SLIT3: variants seen among roughly 807,000 people sequenced by gnomAD.
The protein encoded by SLIT3 is slit homolog 3 protein.
A neutral mutation model predicts 184.0 loss-of-function variants in SLIT3; 68 were observed. The observed-to-expected ratio is 0.37, with a 90% CI of 0.30 to 0.45. SLIT3 has a LOEUF of 0.45. SLIT3 is among the 20% of genes least tolerant of loss of function. The pLI is 1.00. For missense variants in SLIT3, 1,707 were observed against 2,026.0 expected, an observed-to-expected ratio of 0.84 and a Z score of 3.02; for synonymous variants, 831 against 828.6, an observed-to-expected ratio of 1.00 and a Z score of -0.05.
chr5:168,862,523 G>A (rs949736690), intron 5 of SLIT3, among the ~76,000 whole-genome samples: 1 of 152,176 alleles, frequency 6.6e-6, no homozygotes, highest in African/African-American at 2.4e-5. Context: ...GTTAATTGAA[G>A]TGTTACTACA....
chr5:169,126,237 A>G (rs1761074588), intron 4 of SLIT3, among the ~76,000 whole-genome samples: 1 of 152,172 alleles, frequency 6.6e-6, no homozygotes, highest in South Asian at 2.1e-4. Flanking sequence ...CATCCTATTT[A>G]TGTTCTGAAG....
chr5:168,771,047 T>C (rs1182180670), intron 14 of SLIT3, among the ~76,000 whole-genome samples: 7 of 152,184 alleles, frequency 4.6e-5, no homozygotes, highest in African/African-American at 1.7e-4. Context: ...AGGATACTTA[T>C]GAGACCAAAG....
intron 4 of SLIT3, among the ~76,000 whole-genome samples, chr5:168,957,584 C>T (rs1437125192): frequency 2.6e-5 from 4 of 152,314 alleles, no homozygotes; most frequent in African/African-American, 7.2e-5. Context: ...TTCCCAGGCC[C>T]GCTTTGAATA....
At chr5:168,805,104 T>C (rs1371120897) in intron 9 of SLIT3, among the ~76,000 whole-genome samples, 1 of 152,258 alleles carries the variant, frequency 6.6e-6, no homozygotes, top group Non-Finnish European at 1.5e-5. Flanking sequence ...ACTTTGTTGC[T>C]TGTTTATCCC....
At chr5:169,089,879 T>A (rs540916374) in intron 4 of SLIT3, among the ~76,000 whole-genome samples, 3 of 152,240 alleles carry the variant, frequency 2.0e-5, no homozygotes, top group Non-Finnish European at 4.4e-5. Context: ...CTGACCACTA[T>A]AACTCATGGC....
chr5:168,684,173 C>G, intron 31 of SLIT3, 77 bp from the exon 32 acceptor site: 6 of 1,380,428 alleles, frequency 4.3e-6, no homozygotes, highest in Non-Finnish European at 5.8e-6. Context: ...ACAGAGCCCT[C>G]TTCCAGGCAG....
chr5:168,705,055 G>A (rs189284390), intron 26 of SLIT3, among the ~76,000 whole-genome samples: 124 of 152,322 alleles, frequency 8.1e-4, no homozygotes, highest in Non-Finnish European at 1.6e-3. Flanking sequence ...GCATCACATA[G>A]GCACAGGCTC....
chr5:168,908,300 G>A (rs1321448008), intron 4 of SLIT3, among the ~76,000 whole-genome samples: 1 of 152,084 alleles, frequency 6.6e-6, no homozygotes, highest in East Asian at 1.9e-4. Flanking sequence ...TGGTAGACGA[G>A]TCACCTGGGT....
intron 5 of SLIT3, among the ~76,000 whole-genome samples, chr5:168,871,142 C>T (rs1401821786): frequency 6.6e-6 from 1 of 152,146 alleles, no homozygotes; most frequent in Non-Finnish European, 1.5e-5. Context: ...TTTCCAGGAT[C>T]GGGGTTGTCC....
intron 4 of SLIT3, chr5:169,013,079 C>T (rs1257019552): frequency 6.6e-6 from 1 of 152,226 alleles, no homozygotes; most frequent in Non-Finnish European, 1.5e-5. Flanking sequence ...GGCCACATCC[C>T]CATCTTATCG....
At chr5:169,100,219 A>G (rs1759956345) in intron 4 of SLIT3, among the ~76,000 whole-genome samples, 1 of 152,204 alleles carries the variant, frequency 6.6e-6, no homozygotes, top group Non-Finnish European at 1.5e-5. Flanking sequence ...AATGGTGAAC[A>G]TGGAATCCCC....
intron 9 of SLIT3, among the ~76,000 whole-genome samples, chr5:168,804,073 G>A (rs1158666247): frequency 1.3e-5 from 2 of 151,866 alleles, no homozygotes; most frequent in East Asian, 1.9e-4. Context: ...TTAGGAGGCC[G>A]AGGCGGGTGG....
At chr5:169,207,366 T>TACAC (rs1360535639) in intron 3 of SLIT3, among the ~76,000 whole-genome samples, 8 of 84,442 alleles carry the variant, frequency 9.5e-5, no homozygotes, top group African/African-American at 3.5e-4. Flanking sequence ...TACATACACA[T>TACAC]ACATACACAC....
At chr5:168,919,319 T>C (rs929395707) in intron 4 of SLIT3, among the ~76,000 whole-genome samples, 83 of 151,688 alleles carry the variant, frequency 5.5e-4, no homozygotes, top group Non-Finnish European at 9.4e-4. Flanking sequence ...TGTTGCAGCA[T>C]TGTATTAGCA....
At chr5:168,936,956 T>C (rs919752) in intron 4 of SLIT3, among the ~76,000 whole-genome samples, 75,293 of 151,958 alleles carry the variant, frequency 0.5, 19,327 homozygotes, top group African/African-American at 0.64. Flanking sequence ...ACAAATAGCT[T>C]GTTAACTATA....
chr5:169,138,874 C>T (rs530335811), intron 4 of SLIT3, among the ~76,000 whole-genome samples: 9 of 152,188 alleles, frequency 5.9e-5, no homozygotes, highest in Admixed American at 1.3e-4. Context: ...GGAAATTGTT[C>T]GAAGTCTTAA....
At chr5:168,780,059 G>C (rs1755915131) in intron 12 of SLIT3, among the ~76,000 whole-genome samples, 2 of 152,250 alleles carry the variant, frequency 1.3e-5, no homozygotes, top group Non-Finnish European at 2.9e-5. Flanking sequence ...CTGGAGTCAG[G>C]CTTAATGATC....
chr5:168,764,284 G>A (rs1424659757), intron 14 of SLIT3, among the ~76,000 whole-genome samples: 1 of 152,140 alleles, frequency 6.6e-6, no homozygotes, highest in Non-Finnish European at 1.5e-5. Context: ...TACTGAGCCG[G>A]GCACTATTCT....
rs1761029750 is a variant in SLIT3, at chr5:168,666,104, T to TAA, written c.*349_*350insTT. The TAA allele has an allele frequency of 5.9e-6, 1 of 169,126 alleles. No homozygotes were observed. Among genetic ancestry groups the TAA allele is most frequent in the African/African-American group, 2.4e-5 (1 of 42,202 alleles). 10.5% of individuals were successfully genotyped at this position (169,126 alleles called of 1,614,324 possible). ...AGGCTATCATTCTTTATTCTTATCCTTTTGTTTTAAAGCATTTTTATTAGT... is the reference window on the plus strand; with the variant it reads ...AGGCTATCATTCTTTATTCTTATCCTAATTTGTTTTAAAGCATTTTTATTAGT... On this transcript the variant is annotated 3_prime_UTR_variant, in exon 36 of 36. Coordinates refer to ENST00000519560, the MANE Select transcript of SLIT3 (RefSeq NM_003062.4).
Sources: allele counts gnomAD v4.1 joint callset (sites outside exome capture counted in the v4.1 genomes callset), GRCh38; gene constraint gnomAD v4.1.1; transcripts MANE v1.5; gene names NCBI Gene and HGNC (gene_info 2026-07-23, HGNC 2026-07-21).